SMAD1: variants seen among roughly 807,000 people sequenced by gnomAD.
SMAD1 encodes the protein MAD, mothers against decapentaplegic homolog 1.
SMAD1 carries 6 observed loss-of-function variants against 41.6 expected under a neutral mutation model. The observed-to-expected ratio is 0.14, with a 90% CI of 0.08 to 0.28. The LOEUF is 0.28. Ranked by LOEUF, SMAD1 falls within the 10% of genes least tolerant of loss-of-function variation. The pLI is 1.00. For missense variants in SMAD1, 379 were observed against 582.6 expected, an observed-to-expected ratio of 0.65 and a Z score of 3.60; for synonymous variants, 206 against 203.2, an observed-to-expected ratio of 1.01 and a Z score of -0.12.
intron 2 of SMAD1, chr4:145,517,178 T>G (rs536930046): frequency 6.6e-6 from 1 of 152,374 alleles, no homozygotes; most frequent in East Asian, 1.9e-4. Flanking sequence ...CACATTCTGG[T>G]CCTTTCCTCC....
At chr4:145,516,770 T>A (rs1467521450) in intron 2 of SMAD1, among the ~76,000 whole-genome samples, 1 of 152,210 alleles carries the variant, frequency 6.6e-6, no homozygotes, top group Non-Finnish European at 1.5e-5. Flanking sequence ...ATAAGTAATA[T>A]GTACCAGCAA....
chr4:145,502,988 C>A (rs528900985), intron 1 of SMAD1: 1 of 152,112 alleles, frequency 6.6e-6, no homozygotes, highest in Non-Finnish European at 1.5e-5. Context: ...ACAGTGTCTG[C>A]GCTTTAAAGG....
chr4:145,500,718 G>A (rs1289899357), intron 1 of SMAD1, among the ~76,000 whole-genome samples: 1 of 152,100 alleles, frequency 6.6e-6, no homozygotes, highest in Non-Finnish European at 1.5e-5. Context: ...GTGGTTACTA[G>A]TTTTTCTCTT....
intron 2 of SMAD1, among the ~76,000 whole-genome samples, chr4:145,536,428 C>A (rs942411955): frequency 6.6e-6 from 1 of 152,132 alleles, no homozygotes; most frequent in Admixed American, 6.5e-5. Context: ...ATAATTGGAA[C>A]ATGTTACAAA....
chr4:145,548,288 G>A (rs991569339), intron 5 of SMAD1, among the ~76,000 whole-genome samples: 1 of 151,838 alleles, frequency 6.6e-6, no homozygotes, highest in Admixed American at 6.6e-5. Flanking sequence ...GAGTCCAGTG[G>A]TGTAATCTTG....
intron 3 of SMAD1, among the ~76,000 whole-genome samples, chr4:145,541,301 G>A (rs1280175597): frequency 6.6e-6 from 1 of 152,240 alleles, no homozygotes; most frequent in African/African-American, 2.4e-5. Context: ...GAAAACAGTT[G>A]CAAGGGATGG....
intron 2 of SMAD1, among the ~76,000 whole-genome samples, chr4:145,538,382 A>G (rs1356145539): frequency 6.6e-6 from 1 of 152,200 alleles, no homozygotes. Flanking sequence ...TACATTTATT[A>G]TATACTCAAA....
chr4:145,541,355 C>T (rs1371056547), intron 3 of SMAD1, among the ~76,000 whole-genome samples: 2 of 152,202 alleles, frequency 1.3e-5, no homozygotes, highest in Non-Finnish European at 2.9e-5. Context: ...CAAGAATTAT[C>T]GGGTTCCTCT....
At chr4:145,515,092 C>A in intron 2 of SMAD1, 79 bp downstream of exon 2, 1 of 1,373,230 alleles carries the variant, frequency 7.3e-7, no homozygotes, top group Non-Finnish European at 9.9e-7. Flanking sequence ...AAAATAATCC[C>A]TTTGCTTGTT....
At chr4:145,499,246 C>T (rs1318822570) in intron 1 of SMAD1, among the ~76,000 whole-genome samples, 1 of 152,218 alleles carries the variant, frequency 6.6e-6, no homozygotes, top group Non-Finnish European at 1.5e-5. Flanking sequence ...ACTGATATGG[C>T]ACCACAAGTG....
chr4:145,480,918 T>TA (rs1491209510), upstream of SMAD1, among the ~76,000 whole-genome samples: 8 of 32,874 alleles, frequency 2.4e-4, no homozygotes, highest in Non-Finnish European at 3.3e-4. Context: ...CTGGGAGTGA[T>TA]TTTTTTTTTT....
At chr4:145,555,429 G>A (rs1489375561) in intron 6 of SMAD1, among the ~76,000 whole-genome samples, 1 of 152,190 alleles carries the variant, frequency 6.6e-6, no homozygotes, top group Non-Finnish European at 1.5e-5. Flanking sequence ...TTAAGGCACA[G>A]ATTTCTTCTC....
intron 1 of SMAD1, among the ~76,000 whole-genome samples, chr4:145,508,644 G>A (rs1241444148): frequency 1.3e-5 from 2 of 152,052 alleles, no homozygotes; most frequent in South Asian, 4.1e-4. Flanking sequence ...AAAATGTTCT[G>A]AAATCTCTGG....
chr4:145,498,527 T>G (rs771389206), intron 1 of SMAD1, among the ~76,000 whole-genome samples: 3 of 152,242 alleles, frequency 2.0e-5, no homozygotes, highest in Non-Finnish European at 4.4e-5. Context: ...TGGTTTTAAA[T>G]TTGAAAACAG....
At chr4:145,495,779 C>CTTTTTTTT (rs397938427) in intron 1 of SMAD1, among the ~76,000 whole-genome samples, 1 of 117,488 alleles carries the variant, frequency 8.5e-6, no homozygotes, top group African/African-American at 3.4e-5. Flanking sequence ...CAGTGCTTGG[C>CTTTTTTTT]TTTTTTTTTT....
At chr4:145,540,172 A>G (rs1299524389) in intron 3 of SMAD1, 111 bp downstream of exon 3, 3 of 1,230,446 alleles carry the variant, frequency 2.4e-6, no homozygotes, top group Non-Finnish European at 3.5e-6. Context: ...GCCCTGGTAT[A>G]TGACATAGTG....
chr4:145,516,583 T>G (rs1375004875), intron 2 of SMAD1, among the ~76,000 whole-genome samples: 2 of 152,204 alleles, frequency 1.3e-5, no homozygotes, highest in African/African-American at 4.8e-5. Context: ...GCATTGCCTT[T>G]TTTCTAACAA....
chr4:145,554,089 TGC>T (rs1212829417), intron 6 of SMAD1, 49 bp downstream of exon 6: 3 of 1,467,652 alleles, frequency 2.0e-6, no homozygotes, highest in South Asian at 1.4e-5. Context: ...ACTTTTGCTG[TGC>T]TTTTTTTTTT....
intron 1 of SMAD1, among the ~76,000 whole-genome samples, chr4:145,509,008 AC>A (rs1197876400): frequency 2.6e-5 from 4 of 152,156 alleles, no homozygotes; most frequent in African/African-American, 9.7e-5. Flanking sequence ...AAATATTCAG[AC>A]CAGAGTGTTG....
Sources: allele counts gnomAD v4.1 joint callset (sites outside exome capture counted in the v4.1 genomes callset), GRCh38; gene constraint gnomAD v4.1.1; transcripts MANE v1.5; gene names NCBI Gene and HGNC (gene_info 2026-07-23, HGNC 2026-07-21).